PTPRB: variants seen among roughly 807,000 people sequenced by gnomAD.
PTPRB encodes protein tyrosine phosphatase receptor type B.
In PTPRB, 97 loss-of-function variants were observed where a neutral mutation model predicts 238.1. The observed-to-expected ratio is 0.41, with a 90% CI of 0.35 to 0.48. PTPRB has a LOEUF of 0.48. Among genes scored for constraint, PTPRB ranks in the 20% least tolerant of loss-of-function variants. The pLI is 0.30. For missense variants in PTPRB, 2,292 were observed against 2,681.9 expected (o/e 0.85, Z 3.21); for synonymous variants, 970 against 995.4 (o/e 0.97, Z 0.48).
chr12:70,590,103 C>T lies in PTPRB; in HGVS notation c.1911G>A (p.Leu637=), dbSNP rs1272139934. The part of the protein sequence containing the change: ...RILLFNDSVV[L]LNITVGKEET... Reference sequence around the variant, plus strand: ...CTTCCTTTCCCACAGTGATGTTGAGCAGCACCACAGAATCATTGAAGAGTA... The same window carrying T: ...CTTCCTTTCCCACAGTGATGTTGAGTAGCACCACAGAATCATTGAAGAGTA... Residue 637 remains leucine, a synonymous_variant, in exon 8 of 34, where the codon CTG becomes CTA. Coordinates refer to ENST00000334414, the MANE Select transcript of PTPRB (RefSeq NM_001109754.4). 1 of 1,613,962 alleles carries T rather than the reference C, an allele frequency of 6.2e-7. No homozygotes were observed. Among genetic ancestry groups the T allele is most frequent in the South Asian group, 1.1e-5 (1 of 91,074 alleles).
At chr12:70,542,225 A>G (rs1592428641) in intron 22 of PTPRB, 1 of 152,082 alleles carries the variant, frequency 6.6e-6, no homozygotes, top group Non-Finnish European at 1.5e-5. Flanking sequence ...TCATGTGCTT[A>G]TTAGTCAACT....
intron 10 of PTPRB, among the ~76,000 whole-genome samples, chr12:70,580,681 T>A (rs1005980284): frequency 2.0e-5 from 3 of 152,068 alleles, no homozygotes; most frequent in African/African-American, 7.2e-5. Flanking sequence ...TAGCAGGGCG[T>A]GGTGGCACAC....
At chr12:70,564,890 AATAG>A (rs201293548) in intron 15 of PTPRB, among the ~76,000 whole-genome samples, 1 of 147,714 alleles carries the variant, frequency 6.8e-6, no homozygotes. Context: ...AATAATAATA[AATAG>A]ATAGATAAAA....
chr12:70,595,007 A>G (rs1229842600), intron 5 of PTPRB, among the ~76,000 whole-genome samples: 1 of 152,178 alleles, frequency 6.6e-6, no homozygotes, highest in Non-Finnish European at 1.5e-5. Flanking sequence ...ATTGCACAGC[A>G]GTAAGTAGAA....
intron 2 of PTPRB, among the ~76,000 whole-genome samples, chr12:70,622,912 T>A (rs565541213): frequency 6.8e-6 from 1 of 146,002 alleles, no homozygotes; most frequent in Admixed American, 6.9e-5. Flanking sequence ...CCCAGCGCTG[T>A]GTAGAAAAGA....
chr12:70,632,434 G>T (rs369510905), intron 2 of PTPRB, among the ~76,000 whole-genome samples: 1 of 151,920 alleles, frequency 6.6e-6, no homozygotes. Context: ...GTCGGGGGGT[G>T]GGGGACTGGG....
At chr12:70,582,746 A>G (rs1024108726) in intron 9 of PTPRB, among the ~76,000 whole-genome samples, 1 of 152,154 alleles carries the variant, frequency 6.6e-6, no homozygotes, top group African/African-American at 2.4e-5. Flanking sequence ...ATTTAGGCAA[A>G]TATTTTTAGA....
chr12:70,635,847 C>G lies in PTPRB; in HGVS notation c.275G>C (p.Arg92Pro), dbSNP rs764058489. 1 of 1,613,456 alleles carries G rather than the reference C, an allele frequency of 6.2e-7. No homozygotes were observed. Among genetic ancestry groups the G allele is most frequent in the Admixed American group, 1.7e-5 (1 of 59,910 alleles). Residue 92 changes from arginine (R) to proline (P), a missense_variant, in exon 2 of 34, where the codon CGA becomes CCA. By Grantham distance (103) the Arg-to-Pro change is moderately radical. This residue lies in a region of PTPRB where 1,205 missense variants were observed against 1,287.8 expected (regional missense o/e 0.94). Coordinates refer to ENST00000334414, the MANE Select transcript of PTPRB (RefSeq NM_001109754.4). Reference protein sequence around the residue: ...AILDRCSQAPRWTCYDQEGFL... With the variant: ...AILDRCSQAPPWTCYDQEGFL... ...GCCTTCCTGATCATAGCAGGTCCAT[C>G]GGGGTGCCTGGGAACAGCGGTCCAA...
Position 70,622,561 on chromosome 12 carries a change from A to T in PTPRB, c.537T>A (p.Asp179Glu), listed in dbSNP as rs1884989894. 1 of 1,603,116 alleles carries T rather than the reference A, an allele frequency of 6.2e-7. No individual in the cohort carries two copies. Among genetic ancestry groups the T allele is most frequent in the Admixed American group, 1.7e-5 (1 of 57,874 alleles). Residue 179 changes from aspartate to glutamate, a missense_variant, in exon 3 of 34, where the codon GAT becomes GAA. By Grantham distance (45) the Asp-to-Glu change is conservative. This residue lies in a region of PTPRB where 1,205 missense variants were observed against 1,287.8 expected (regional missense o/e 0.94). Coordinates refer to ENST00000334414, the MANE Select transcript of PTPRB (RefSeq NM_001109754.4). ...TATTCCTAATAAGGAATACCAGGCC[A>T]TCTGGAACTGCATTAAAGGTAGTGA... Reference protein sequence around the residue: ...QILTTFNAVPDGLVFLIRNTT... With the variant: ...QILTTFNAVPEGLVFLIRNTT...
chr12:70,566,359 C>T, intron 15 of PTPRB, 76 bp downstream of exon 15: 1 of 1,502,730 alleles, frequency 6.7e-7, no homozygotes, highest in Non-Finnish European at 9.0e-7. Context: ...TTGCTTCATC[C>T]CTCTCACCCT....
chr12:70,617,556 C>A (rs1470507335), intron 3 of PTPRB, among the ~76,000 whole-genome samples: 1 of 152,168 alleles, frequency 6.6e-6, no homozygotes, highest in African/African-American at 2.4e-5. Context: ...GGAATTTTTT[C>A]CCATCTTTAG....
chr12:70,516,173 T>G lies in PTPRB; in HGVS notation c.*5316A>C, dbSNP rs1871186051. 6.6e-6 allele frequency: 1 copy of G among 152,192 alleles called. No homozygotes were observed. The highest frequency in any genetic ancestry group is 2.1e-4 in the South Asian group (1 of 4,832). The allele number at this position is 152,192 out of a possible 1,614,324, so 9.4% of individuals were successfully genotyped here. A position where few individuals can be genotyped will look rare whatever the true frequency, so the allele number is the denominator to read the frequency against. On this transcript the variant is annotated 3_prime_UTR_variant, in exon 34 of 34. Coordinates refer to ENST00000334414, the MANE Select transcript of PTPRB (RefSeq NM_001109754.4). ...AAAAAGTTCAGTTGCTGTATTTACT[T>G]ACATTATTTATGCTTCACACAAATG...
In PTPRB at chr12:70,604,658, T is replaced by G. The variant is rs148465999; in HGVS notation, c.979+4411A>C. The stretch of plus-strand genomic sequence containing the variant: ...TTGTGTCCCCACCAAATTTATATGT[T>G]GAAACCCTAAACCCCAGTACCTCAG... On this transcript the variant is annotated intron_variant, in intron 4 of 33. Transcript: ENST00000334414. Among the ~76,000 whole-genome samples the G allele has an allele frequency of 2.2e-3, 332 of 152,350 alleles. 1 individual carries two copies. The highest frequency in any genetic ancestry group is 3.6e-3 in the Non-Finnish European group (248 of 68,034).
chr12:70,528,911 G>GAAAA (rs869283788), intron 32 of PTPRB, among the ~76,000 whole-genome samples: 1 of 52,828 alleles, frequency 1.9e-5, no homozygotes, highest in African/African-American at 2.8e-4. Flanking sequence ...TTTCTGTTTT[G>GAAAA]AAAGAGAATG....
chr12:70,538,110 C>G, intron 28 of PTPRB, 45 bp downstream of exon 28: 3 of 1,512,520 alleles, frequency 2.0e-6, no homozygotes, highest in Non-Finnish European at 2.7e-6. Context: ...TGTAGCCACC[C>G]ACCAAAGCCT....
At chr12:70,533,077 C>T (rs1873542114) in intron 31 of PTPRB, among the ~76,000 whole-genome samples, 1 of 152,144 alleles carries the variant, frequency 6.6e-6, no homozygotes, top group Non-Finnish European at 1.5e-5. Context: ...TCTCAGGGGT[C>T]AACACCTAGA....
At chr12:70,552,432 C>T (rs969146011) in intron 21 of PTPRB, among the ~76,000 whole-genome samples, 31 of 142,944 alleles carry the variant, frequency 2.2e-4, no homozygotes, top group Admixed American at 6.0e-4. Flanking sequence ...TGCAGTGAGC[C>T]GAGATGGCAC....
At chr12:70,569,558 G>T in intron 14 of PTPRB, 117 bp downstream of exon 14, 3 of 1,249,644 alleles carry the variant, frequency 2.4e-6, no homozygotes, top group Non-Finnish European at 3.4e-6. Context: ...CCATTGAATT[G>T]TACAAACTTT....
At chr12:70,589,136 T>A (rs1882230654) in intron 8 of PTPRB, among the ~76,000 whole-genome samples, 1 of 152,164 alleles carries the variant, frequency 6.6e-6, no homozygotes, top group Non-Finnish European at 1.5e-5. Context: ...TAGTTTAAGC[T>A]CTGTAGGTCT....
Sources: gnomAD v4.1 joint callset for allele counts (sites outside exome capture counted in the v4.1 genomes callset) on GRCh38, gnomAD v4.1.1 for gene constraint, gnomAD v4.1.1 regional missense constraint, MANE v1.5 for transcripts, NCBI Gene and HGNC (gene_info 2026-07-23, HGNC 2026-07-21) for gene names.